DGKH: variants seen among roughly 807,000 people sequenced by gnomAD.
DGKH encodes diacylglycerol kinase eta, also known as DAG kinase eta.
A neutral mutation model predicts 159.3 loss-of-function variants in DGKH; 90 were observed. That is an observed-to-expected ratio of 0.57 (90% CI 0.48 to 0.67). The LOEUF is 0.67. Among genes scored for constraint, DGKH ranks in the 30% least tolerant of loss-of-function variants. The pLI is 0.00. For synonymous variants in DGKH, 536 were observed against 553.8 expected, an observed-to-expected ratio of 0.97 and a Z score of 0.45; for missense variants, 1,181 against 1,506.1, an observed-to-expected ratio of 0.78 and a Z score of 3.57.
intron 1 of DGKH, among the ~76,000 whole-genome samples, chr13:42,077,429 C>G (rs1954120899): frequency 6.6e-6 from 1 of 152,076 alleles, no homozygotes; most frequent in Non-Finnish European, 1.5e-5. Flanking sequence ...TGAAGCTTTA[C>G]TATTGATTAT....
intron 1 of DGKH, among the ~76,000 whole-genome samples, chr13:42,061,899 A>G (rs918584704): frequency 1.3e-5 from 2 of 152,150 alleles, no homozygotes; most frequent in East Asian, 1.9e-4. Context: ...GTATACACAG[A>G]CACAGTTCTA....
intron 18 of DGKH, 40 bp downstream of exon 18, chr13:42,198,635 C>CT (rs774921348): frequency 3.7e-5 from 53 of 1,422,786 alleles, no homozygotes; most frequent in Admixed American, 1.1e-4. Context: ...TTGGGTTTTT[C>CT]TTGTTTTTTT....
intron 24 of DGKH, 35 bp from the exon 25 acceptor site, chr13:42,214,472 A>C (rs1157718700): frequency 6.3e-7 from 1 of 1,591,912 alleles, no homozygotes; most frequent in Admixed American, 1.8e-5. Context: ...TACTCAAAAA[A>C]GTTTTTTATT....
rs1282649564 is a variant in DGKH, at chr13:42,242,537, T to C, written c.*13349T>C. 6.6e-5 allele frequency: 10 copies of C among 152,244 alleles called. No homozygotes were observed. The highest frequency in any genetic ancestry group is 6.5e-4 in the Admixed American group (10 of 15,288). The allele number at this position is 152,244 out of a possible 1,614,324, so 9.4% of individuals were successfully genotyped here. A position where few individuals can be genotyped will look rare whatever the true frequency, so the allele number is the denominator to read the frequency against. On this transcript the variant is annotated 3_prime_UTR_variant, in exon 30 of 30. Transcript: ENST00000337343. ...GAGTTTTGTTTGTTTACATGCTGTT[T>C]ACAATGGCATAATTTTAAAAATATA...
intron 1 of DGKH, among the ~76,000 whole-genome samples, chr13:42,060,373 C>G (rs1379493576): frequency 6.6e-6 from 1 of 152,172 alleles, no homozygotes; most frequent in East Asian, 1.9e-4. Context: ...CTCTATCGGT[C>G]TTTTTCTAGC....
intron 16 of DGKH, among the ~76,000 whole-genome samples, chr13:42,192,479 A>C (rs890660215): frequency 8.6e-5 from 13 of 152,040 alleles, no homozygotes; most frequent in Non-Finnish European, 1.8e-4. Context: ...TTAAGGAGCA[A>C]TTTCATATAC....
intron 29 of DGKH, among the ~76,000 whole-genome samples, chr13:42,222,055 G>A (rs998187422): frequency 3.9e-5 from 6 of 152,150 alleles, no homozygotes; most frequent in African/African-American, 9.7e-5. Context: ...GTGAATTGAC[G>A]ATAGAGAAAA....
At position 42,199,963 on chromosome 13, in the gene DGKH, T is replaced by C. The variant is rs1201472205; in HGVS notation, c.2493+54T>C. On this transcript the variant is annotated intron_variant, in intron 20 of 29. Transcript: ENST00000337343. ...CATATTATCTTACTTAAAAAAAATA[T>C]CGTTTTGGAGCTAATTTGACCTAAA... 30 of 1,472,306 alleles carry C rather than the reference T, an allele frequency of 2.0e-5. 1 individual carries two copies. The Admixed American group carries it at 6.0e-4, about 29-fold the overall frequency. The allele number at this position is 1,472,306 out of a possible 1,614,324, so 91.2% of individuals were successfully genotyped here.
intron 1 of DGKH, among the ~76,000 whole-genome samples, chr13:42,091,587 A>G (rs79192812): frequency 0.13 from 19,332 of 152,250 alleles, 1,426 homozygotes; most frequent in Non-Finnish European, 0.16. Flanking sequence ...ATGGTATTAC[A>G]TCGAGCTACA....
At chr13:42,071,101 C>A in intron 1 of DGKH, 2 of 966,434 alleles carry the variant, frequency 2.1e-6, no homozygotes, top group Middle Eastern at 2.3e-4. Flanking sequence ...CACTTTGAAA[C>A]CCTTATGATT....
At chr13:42,073,227 A>G (rs1883089702) in intron 1 of DGKH, among the ~76,000 whole-genome samples, 2 of 152,230 alleles carry the variant, frequency 1.3e-5, no homozygotes, top group Non-Finnish European at 2.9e-5. Context: ...TCAAGATTTT[A>G]GAGCAGGGTA....
intron 24 of DGKH, among the ~76,000 whole-genome samples, chr13:42,211,312 A>G (rs1359330827): frequency 6.6e-6 from 1 of 152,166 alleles, no homozygotes; most frequent in East Asian, 1.9e-4. Flanking sequence ...AGATTAAATG[A>G]GACTCTAGGG....
At chr13:42,091,165 T>A (rs1431582240) in intron 1 of DGKH, among the ~76,000 whole-genome samples, 1 of 152,174 alleles carries the variant, frequency 6.6e-6, no homozygotes, top group African/African-American at 2.4e-5. Context: ...ATCAAAGACC[T>A]AAACATAAGA....
chr13:42,120,771 G>T (rs1449794638), intron 1 of DGKH, among the ~76,000 whole-genome samples: 1 of 152,132 alleles, frequency 6.6e-6, no homozygotes, highest in African/African-American at 2.4e-5. Flanking sequence ...GATCTCGAAA[G>T]TTCATGAACC....
At position 42,194,966 on chromosome 13, in the gene DGKH, C is replaced by T; in HGVS notation, c.2117C>T (p.Ala706Val). The change falls in exon 17 of 30, where the codon GCA becomes GTA. Residue 706 changes from alanine to valine, a missense_variant. Physicochemically the swap from Ala to Val is moderately conservative, Grantham distance 64. Transcript: ENST00000337343. The stretch of plus-strand genomic sequence containing the variant: ...GATTCTGTCCCTGGTCCAGCTGTGG[C>T]AGCCAGCAAAGAAAACCTCCCTGTG... ...QTDSVPGPAVAASKENLPVLN... is the reference protein window; with the variant it reads ...QTDSVPGPAVVASKENLPVLN... 1.2e-6 allele frequency: 2 copies of T among 1,614,080 alleles called. No homozygotes were observed. Among genetic ancestry groups the T allele is most frequent in the Non-Finnish European group, 1.7e-6 (2 of 1,179,962 alleles).
chr13:42,256,340 A>C (rs1235612173), exon 31 of DGKH: 1 of 1,590,442 alleles, frequency 6.3e-7, no homozygotes, highest in Non-Finnish European at 8.6e-7. Flanking sequence ...AAGGATCAAC[A>C]AGCTGATGAA....
chr13:42,077,995 G>A (rs1055765520), intron 1 of DGKH, among the ~76,000 whole-genome samples: 10 of 152,154 alleles, frequency 6.6e-5, no homozygotes, highest in African/African-American at 2.4e-4. Context: ...GAAGATAATA[G>A]TCTTTCATAG....
At chr13:42,092,405 C>A (rs747814322) in intron 1 of DGKH, among the ~76,000 whole-genome samples, 4 of 89,578 alleles carry the variant, frequency 4.5e-5, no homozygotes. Context: ...ATTATTCAGC[C>A]ATGCAGCCAT....
chr13:42,053,334 T>C (rs1026083839), intron 1 of DGKH, among the ~76,000 whole-genome samples: 13 of 148,754 alleles, frequency 8.7e-5, no homozygotes, highest in African/African-American at 2.9e-4. Flanking sequence ...AAAAAAAAAA[T>C]CTTACTACTA....
Sources: allele counts gnomAD v4.1 joint callset (sites outside exome capture counted in the v4.1 genomes callset), GRCh38; gene constraint gnomAD v4.1.1; transcripts MANE v1.5; gene names NCBI Gene and HGNC (gene_info 2026-07-23, HGNC 2026-07-21).